POU2F1: variants seen among roughly 807,000 people sequenced by gnomAD.
POU2F1 encodes the protein POU class 2 homeobox 1.
A neutral mutation model predicts 84.9 loss-of-function variants in POU2F1; 16 were observed. The observed-to-expected ratio is 0.19, with a 90% CI of 0.13 to 0.29. The LOEUF (loss-of-function observed/expected upper bound fraction) is 0.29. Among genes scored for constraint, POU2F1 ranks in the 10% least tolerant of loss-of-function variants. POU2F1 has a pLI of 1.00. For synonymous variants in POU2F1, 368 were observed against 368.3 expected (o/e 1.00, Z 0.01); for missense variants, 738 against 942.6 (o/e 0.78, Z 2.84).
intron 1 of POU2F1, among the ~76,000 whole-genome samples, chr1:167,246,374 T>C (rs1236570621): frequency 6.6e-6 from 1 of 152,248 alleles, no homozygotes; most frequent in African/African-American, 2.4e-5. Context: ...CTCAGTTGAA[T>C]AACTTTACAT....
chr1:167,227,250 ATTAT>A (rs1448023461), intron 1 of POU2F1, among the ~76,000 whole-genome samples: 2 of 152,228 alleles, frequency 1.3e-5, no homozygotes, highest in African/African-American at 2.4e-5. Context: ...AGTTTATCAC[ATTAT>A]TTATTTCATA....
At chr1:167,366,894 T>G (rs973574651) in intron 3 of POU2F1, among the ~76,000 whole-genome samples, 17 of 152,290 alleles carry the variant, frequency 1.1e-4, no homozygotes, top group South Asian at 2.1e-4. Flanking sequence ...TAAGCATCTT[T>G]ATCTGGCTTA....
chr1:167,345,286 T>C (rs916767829), intron 2 of POU2F1, among the ~76,000 whole-genome samples: 2 of 152,160 alleles, frequency 1.3e-5, no homozygotes, highest in Non-Finnish European at 2.9e-5. Context: ...GATTCCTTTT[T>C]TTGTTGTTTT....
intron 1 of POU2F1, among the ~76,000 whole-genome samples, chr1:167,227,867 A>G (rs917838254): frequency 2.0e-5 from 3 of 152,216 alleles, no homozygotes; most frequent in African/African-American, 7.2e-5. Context: ...GCATCCTAGA[A>G]TATATTATAG....
chr1:167,260,495 C>T (rs374822601), intron 1 of POU2F1, among the ~76,000 whole-genome samples: 89 of 152,210 alleles, frequency 5.8e-4, no homozygotes, highest in African/African-American at 2.1e-3. Flanking sequence ...TGCTTTTTTA[C>T]CTTTTGATCC....
At chr1:167,312,865 C>T (rs992397292) in intron 1 of POU2F1, among the ~76,000 whole-genome samples, 4 of 152,050 alleles carry the variant, frequency 2.6e-5, no homozygotes, top group South Asian at 2.1e-4. Flanking sequence ...ATTCAAATAC[C>T]GTTTTAGAAA....
chr1:167,361,989 G>A (rs1205099410), intron 2 of POU2F1, among the ~76,000 whole-genome samples: 1 of 151,880 alleles, frequency 6.6e-6, no homozygotes, highest in African/African-American at 2.4e-5. Flanking sequence ...AATGTAGGGT[G>A]CTCCTTTTCT....
chr1:167,359,635 T>C (rs1157865215), intron 2 of POU2F1, among the ~76,000 whole-genome samples: 1 of 152,222 alleles, frequency 6.6e-6, no homozygotes, highest in African/African-American at 2.4e-5. Flanking sequence ...AGTGCTGTGA[T>C]AAACATGCAA....
At chr1:167,237,367 A>T (rs2102358593) in intron 1 of POU2F1, among the ~76,000 whole-genome samples, 1 of 152,332 alleles carries the variant, frequency 6.6e-6, no homozygotes, top group East Asian at 1.9e-4. Flanking sequence ...TTTGGGATGG[A>T]TGAGGAAAGA....
intron 13 of POU2F1, among the ~76,000 whole-genome samples, chr1:167,404,071 T>C (rs1481323776): frequency 6.6e-6 from 1 of 152,160 alleles, no homozygotes; most frequent in African/African-American, 2.4e-5. Context: ...TGTTCTAAAA[T>C]TTCACTACAA....
At chr1:167,385,115 A>G (rs1397243691) in intron 8 of POU2F1, among the ~76,000 whole-genome samples, 1 of 152,162 alleles carries the variant, frequency 6.6e-6, no homozygotes, top group East Asian at 1.9e-4. Context: ...GGTAAACAAC[A>G]AAATATTTGT....
intron 1 of POU2F1, among the ~76,000 whole-genome samples, chr1:167,282,243 A>G (rs536194167): frequency 6.6e-6 from 1 of 150,954 alleles, no homozygotes; most frequent in Non-Finnish European, 1.5e-5. Flanking sequence ...CCCCAGGTTC[A>G]CGCCATTCTC....
intron 1 of POU2F1, chr1:167,329,049 C>T: frequency 8.4e-6 from 10 of 1,196,602 alleles, no homozygotes; most frequent in Non-Finnish European, 1.0e-5. Flanking sequence ...GACTAAAACT[C>T]CTCTGAGCAA....
intron 1 of POU2F1, among the ~76,000 whole-genome samples, chr1:167,246,270 C>G (rs1650311465): frequency 6.6e-6 from 1 of 152,100 alleles, no homozygotes; most frequent in East Asian, 1.9e-4. Flanking sequence ...CTTGAGAAAT[C>G]AAATGCTGCT....
At chr1:167,400,294 C>A (rs895617030) in intron 12 of POU2F1, among the ~76,000 whole-genome samples, 1 of 152,076 alleles carries the variant, frequency 6.6e-6, no homozygotes, top group Non-Finnish European at 1.5e-5. Flanking sequence ...CTGCGCCCAG[C>A]CCACCTATCT....
At position 167,416,087 on chromosome 1, in the gene POU2F1, T is replaced by TAA. The variant is rs34032944; in HGVS notation, c.*295_*296dup. 249 of 351,484 alleles carry TAA rather than the reference T, an allele frequency of 7.1e-4. No individual in the cohort carries two copies. Among genetic ancestry groups the TAA allele is most frequent in the Middle Eastern group, 2.3e-3 (3 of 1,326 alleles). The allele number at this position is 351,484 out of a possible 1,614,324, so 21.8% of individuals were successfully genotyped here. A position where few individuals can be genotyped will look rare whatever the true frequency, so the allele number is the denominator to read the frequency against. On this transcript the variant is annotated 3_prime_UTR_variant, in exon 16 of 16. Transcript: ENST00000367866. Reference sequence around the variant, plus strand: ...ATTGGAGAACTTTCTAACCAAAAATTAAAAAAAAAAAAAAAAAAAGAAACA... The same window carrying TAA: ...ATTGGAGAACTTTCTAACCAAAAATTAAAAAAAAAAAAAAAAAAAAAGAAACA...
intron 1 of POU2F1, among the ~76,000 whole-genome samples, chr1:167,275,032 A>ATTTT (rs11413742): frequency 4.4e-5 from 5 of 112,476 alleles, no homozygotes; most frequent in Non-Finnish European, 5.6e-5. Flanking sequence ...AAATAAATGT[A>ATTTT]TTTTTTTTTT....
At chr1:167,408,251 T>C (rs780745907) in intron 13 of POU2F1, among the ~76,000 whole-genome samples, 5 of 152,182 alleles carry the variant, frequency 3.3e-5, no homozygotes, top group African/African-American at 4.8e-5. Flanking sequence ...GGGAAGGATG[T>C]GGAGAAACTG....
At chr1:167,409,239 T>C (rs1649793410) in intron 13 of POU2F1, among the ~76,000 whole-genome samples, 1 of 152,084 alleles carries the variant, frequency 6.6e-6, no homozygotes, top group South Asian at 2.1e-4. Flanking sequence ...AAATTCCTCT[T>C]TCTGCATATG....
Sources: allele counts gnomAD v4.1 joint callset (sites outside exome capture counted in the v4.1 genomes callset), GRCh38; gene constraint gnomAD v4.1.1; transcripts MANE v1.5; gene names NCBI Gene and HGNC (gene_info 2026-07-23, HGNC 2026-07-21).